The following RBFOX1 variants were observed in gnomAD, a reference collection of about 807,000 sequenced individuals.
The protein encoded by RBFOX1 is RNA binding fox-1 homolog 1.
Under a neutral mutation model 57.7 loss-of-function variants are expected in RBFOX1, and 8 were observed. The observed-to-expected ratio is 0.14, with a 90% confidence interval of 0.08 to 0.25. The LOEUF is 0.25. Ranked by LOEUF, RBFOX1 falls within the 10% of genes least tolerant of loss-of-function variation. The probability of loss-of-function intolerance (pLI) is 1.00; values close to 1 mark genes in which losing one functional copy is unlikely to be tolerated. For missense variants in RBFOX1, 611 were observed against 548.5 expected, an observed-to-expected ratio of 1.11 and a Z score of -1.14; for synonymous variants, 326 against 222.4, an observed-to-expected ratio of 1.47 and a Z score of -4.15.
At chr16:7,248,066 A>C (rs2094374361) in intron 4 of RBFOX1, among the ~76,000 whole-genome samples, 1 of 152,248 alleles carries the variant, frequency 6.6e-6, no homozygotes, top group Non-Finnish European at 1.5e-5. Flanking sequence ...AAAAAATAGA[A>C]TATGGTTCTG....
At chr16:5,258,784 C>T (rs1437960999) in intron 1 of RBFOX1, among the ~76,000 whole-genome samples, 1 of 152,070 alleles carries the variant, frequency 6.6e-6, no homozygotes, top group Non-Finnish European at 1.5e-5. Flanking sequence ...GGCATGGTGG[C>T]AGGCGCCTAT....
intron 1 of RBFOX1, among the ~76,000 whole-genome samples, chr16:6,210,187 G>T (rs1055782315): frequency 2.0e-5 from 3 of 151,376 alleles, no homozygotes; most frequent in African/African-American, 7.3e-5. Flanking sequence ...GCATGGTGGT[G>T]GGCGCCTTTA....
intron 4 of RBFOX1, among the ~76,000 whole-genome samples, chr16:5,983,601 G>C (rs1366641372): frequency 2.0e-5 from 3 of 152,168 alleles, no homozygotes; most frequent in Non-Finnish European, 1.5e-5. Context: ...CAGGTGCTCA[G>C]GAAGCGTGGT....
intron 2 of RBFOX1, among the ~76,000 whole-genome samples, chr16:6,494,548 A>AAAATTAC (rs2095712723): frequency 1.3e-5 from 2 of 152,322 alleles, no homozygotes; most frequent in Non-Finnish European, 2.9e-5. Context: ...GTAATTTTGC[A>AAAATTAC]TGGTATATAT....
intron 2 of RBFOX1, among the ~76,000 whole-genome samples, chr16:6,616,787 C>G (rs1276915662): frequency 6.6e-6 from 1 of 152,200 alleles, no homozygotes; most frequent in African/African-American, 2.4e-5. Flanking sequence ...CAAGAGTGAG[C>G]TACAGCCATT....
At chr16:5,273,029 G>T (rs1458859687) in intron 1 of RBFOX1, among the ~76,000 whole-genome samples, 1 of 152,120 alleles carries the variant, frequency 6.6e-6, no homozygotes, top group East Asian at 1.9e-4. Flanking sequence ...GTCCTTTGCT[G>T]GTGGCAGTGG....
At chr16:5,791,087 T>A (rs981536966) in intron 3 of RBFOX1, among the ~76,000 whole-genome samples, 1 of 152,086 alleles carries the variant, frequency 6.6e-6, no homozygotes, top group Non-Finnish European at 1.5e-5. Flanking sequence ...CAGGCCGGTC[T>A]CAGCTCCTGG....
At chr16:5,277,675 C>G (rs969607377) in intron 1 of RBFOX1, among the ~76,000 whole-genome samples, 1 of 152,094 alleles carries the variant, frequency 6.6e-6, no homozygotes, top group African/African-American at 2.4e-5. Context: ...TATCCCTGAC[C>G]CTACTGACCT....
intron 3 of RBFOX1, among the ~76,000 whole-genome samples, chr16:6,884,177 C>G (rs983442409): frequency 6.6e-6 from 1 of 152,210 alleles, no homozygotes; most frequent in East Asian, 1.9e-4. Context: ...GAGGCCCCTT[C>G]TGCTCACAGG....
chr16:7,207,909 G>T (rs2090324691), intron 4 of RBFOX1, among the ~76,000 whole-genome samples: 2 of 152,174 alleles, frequency 1.3e-5, no homozygotes, highest in South Asian at 4.1e-4. Flanking sequence ...GAACTCCACA[G>T]GGTGCATCCT....
At chr16:5,258,789 G>A (rs1240893617) in intron 1 of RBFOX1, among the ~76,000 whole-genome samples, 8 of 152,020 alleles carry the variant, frequency 5.3e-5, no homozygotes, top group South Asian at 2.1e-4. Context: ...GGTGGCAGGC[G>A]CCTATAGTCC....
intron 3 of RBFOX1, among the ~76,000 whole-genome samples, chr16:5,751,764 T>C (rs1000665175): frequency 6.6e-6 from 1 of 152,216 alleles, no homozygotes; most frequent in African/African-American, 2.4e-5. Context: ...GATGGTTTAG[T>C]GTTTACTCCA....
intron 5 of RBFOX1, among the ~76,000 whole-genome samples, chr16:7,571,750 G>A (rs1410567527): frequency 6.6e-6 from 1 of 152,122 alleles, no homozygotes; most frequent in Non-Finnish European, 1.5e-5. Context: ...TGGGGTTAAT[G>A]GACTTCCCAT....
At chr16:7,549,085 C>T (rs142836725) in intron 5 of RBFOX1, among the ~76,000 whole-genome samples, 24 of 152,272 alleles carry the variant, frequency 1.6e-4, no homozygotes, top group Non-Finnish European at 2.8e-4. Flanking sequence ...ACATTTAAGC[C>T]GATGACTAAG....
At chr16:6,464,571 A>G (rs1652861148) in intron 2 of RBFOX1, among the ~76,000 whole-genome samples, 1 of 152,218 alleles carries the variant, frequency 6.6e-6, no homozygotes, top group East Asian at 1.9e-4. Flanking sequence ...AGAAAGGACA[A>G]TTATACCTTT....
At chr16:7,565,239 T>C (rs976952950) in intron 5 of RBFOX1, among the ~76,000 whole-genome samples, 4 of 152,044 alleles carry the variant, frequency 2.6e-5, no homozygotes, top group African/African-American at 9.7e-5. Context: ...TAATTTAGGG[T>C]GTGGAGTTGA....
chr16:7,337,930 G>T (rs192862615), intron 4 of RBFOX1, among the ~76,000 whole-genome samples: 1 of 152,192 alleles, frequency 6.6e-6, no homozygotes, highest in Admixed American at 6.5e-5. Flanking sequence ...TGATCTGCCC[G>T]CCTTGGCCTC....
intron 1 of RBFOX1, among the ~76,000 whole-genome samples, chr16:6,222,495 A>G (rs1443794529): frequency 1.3e-5 from 2 of 151,740 alleles, no homozygotes; most frequent in Non-Finnish European, 2.9e-5. Context: ...GGAGAATGTC[A>G]GGAGGATTGC....
At chr16:6,981,204 T>C (rs191502032) in intron 3 of RBFOX1, among the ~76,000 whole-genome samples, 1 of 152,138 alleles carries the variant, frequency 6.6e-6, no homozygotes, top group Non-Finnish European at 1.5e-5. Flanking sequence ...TGGTACAGAT[T>C]ATTTCATCAC....
Sources: allele counts gnomAD v4.1 joint callset (sites outside exome capture counted in the v4.1 genomes callset), GRCh38; gene constraint gnomAD v4.1.1; transcripts MANE v1.5; gene names NCBI Gene and HGNC (gene_info 2026-07-23, HGNC 2026-07-21).